The following ABTB2 variants were observed in gnomAD, a reference collection of about 807,000 sequenced individuals.
ABTB2 encodes the protein ankyrin repeat and BTB domain containing 2.
In ABTB2, 56 loss-of-function variants were observed where a neutral mutation model predicts 104.1. That is an observed-to-expected ratio of 0.54 (90% confidence interval 0.43 to 0.67). The LOEUF is 0.67. ABTB2 is among the 30% of genes least tolerant of loss of function. The pLI is 0.00. For missense variants in ABTB2, 1,279 were observed against 1,407.7 expected (o/e 0.91, Z 1.46); for synonymous variants, 606 against 608.2 (o/e 1.00, Z 0.05).
chr11:34,158,831 T>C (rs1852668470), intron 14 of ABTB2, among the ~76,000 whole-genome samples: 1 of 152,210 alleles, frequency 6.6e-6, no homozygotes, highest in South Asian at 2.1e-4. Context: ...GTTTGATGCT[T>C]GGGAGAAGTG....
In ABTB2 at chr11:34,354,332, C is replaced by T. The variant is rs571936546; in HGVS notation, c.883+2369G>A. Among the ~76,000 whole-genome samples, 6 of 152,000 alleles carry T rather than the reference C, an allele frequency of 3.9e-5. No individual in the cohort carries two copies. The South Asian group carries it at 6.2e-4, about 16-fold the overall frequency. On this transcript the variant is annotated intron_variant, in intron 1 of 16. Coordinates refer to ENST00000435224, the MANE Select transcript of ABTB2 (RefSeq NM_145804.3). ...CAAGGAGGAGGTTAAAACATGGGGT[C>T]GTGGCTGAGTGTGGTGGCTCACGCC...
intron 1 of ABTB2, among the ~76,000 whole-genome samples, chr11:34,258,503 T>G (rs1312905222): frequency 6.6e-6 from 1 of 152,142 alleles, no homozygotes; most frequent in East Asian, 1.9e-4. Flanking sequence ...TGGTGCCATC[T>G]ATCAAATGGA....
At chr11:34,220,114 A>T (rs117316541) in intron 1 of ABTB2, among the ~76,000 whole-genome samples, 1 of 152,256 alleles carries the variant, frequency 6.6e-6, no homozygotes, top group South Asian at 2.1e-4. Flanking sequence ...TTATTGTCCC[A>T]GTAGGACACT....
At chr11:34,233,218 CTTTT>C (rs34647581) in intron 1 of ABTB2, among the ~76,000 whole-genome samples, 141,642 of 151,948 alleles carry the variant, frequency 0.93, 66,375 homozygotes, top group Non-Finnish European at 0.98. Context: ...GAGGATTTTT[CTTTT>C]TATTTTTTTG....
intron 1 of ABTB2, among the ~76,000 whole-genome samples, chr11:34,226,204 T>TAAAAA (rs34915007): frequency 2.4e-4 from 19 of 79,610 alleles, no homozygotes; most frequent in African/African-American, 8.4e-4. Flanking sequence ...GAGAGTCCAT[T>TAAAAA]AAAAAAAAAA....
chr11:34,184,141 T>G (rs1446317354), intron 3 of ABTB2, among the ~76,000 whole-genome samples: 8 of 151,874 alleles, frequency 5.3e-5, no homozygotes, highest in African/African-American at 1.9e-4. Context: ...GGACTGTTCA[T>G]TAAGGGCTCC....
chr11:34,308,798 G>A (rs918668863), intron 1 of ABTB2, among the ~76,000 whole-genome samples: 10 of 142,424 alleles, frequency 7.0e-5, no homozygotes, highest in Non-Finnish European at 1.5e-4. Flanking sequence ...TTGAACCCAA[G>A]AGGTGGAAGT....
In ABTB2 at chr11:34,258,614, T is replaced by TTG. The variant is rs1565153048; in HGVS notation, c.884-53925_884-53924insCA. On this transcript the variant is annotated intron_variant, in intron 1 of 16. Transcript: ENST00000435224. ...TACAGAAGTGCCTGCTCTTTTTTTT[T>TTG]TTTTTTTTTTTTTTGAGACGGAGTC... Among the ~76,000 whole-genome samples the TTG allele has an allele frequency of 4.3e-4, 61 of 143,178 alleles. 1 individual carries two copies. The highest frequency in any genetic ancestry group is 1.6e-3 in the African/African-American group (58 of 36,262). The allele number at this position is 143,178 out of a possible 152,430, so 93.9% of individuals were successfully genotyped here.
intron 7 of ABTB2, among the ~76,000 whole-genome samples, chr11:34,165,764 C>T (rs946029247): frequency 6.6e-6 from 1 of 152,260 alleles, no homozygotes; most frequent in African/African-American, 2.4e-5. Flanking sequence ...GGTGTCAGTG[C>T]TGGCCACTGG....
At chr11:34,278,240 C>G (rs1854409125) in intron 1 of ABTB2, among the ~76,000 whole-genome samples, 1 of 151,752 alleles carries the variant, frequency 6.6e-6, no homozygotes, top group South Asian at 2.1e-4. Context: ...ATTAGATAAT[C>G]TAGAATTTCT....
At position 34,161,389 on chromosome 11, in the gene ABTB2, C is replaced by T. The variant is rs185814300; in HGVS notation, c.2219-308G>A. Among the ~76,000 whole-genome samples, 14 of 152,320 alleles carry T rather than the reference C, an allele frequency of 9.2e-5. No individual in the cohort carries two copies. The East Asian group carries it at 1.3e-3, about 15-fold the overall frequency. On this transcript the variant is annotated intron_variant, in intron 10 of 16. Transcript: ENST00000435224. ...GGGAACTCAAGCTCTGAAAGTTGAC[C>T]GCCCAGCCTGGGGATTTGGAAGTAT...
At position 34,275,924 on chromosome 11, in the gene ABTB2, G is replaced by A. The variant is rs74820781; in HGVS notation, c.884-71234C>T. The stretch of plus-strand genomic sequence containing the variant: ...GTCATGGCCCGAGAAGACAGCTGTC[G>A]TCCTGGAAGTCACACAACAGGGCCA... On this transcript the variant is annotated intron_variant, in intron 1 of 16. Transcript: ENST00000435224. Among the ~76,000 whole-genome samples, 303 of 152,262 alleles carry A rather than the reference G, an allele frequency of 2.0e-3. 1 individual carries two copies. Among genetic ancestry groups the A allele is most frequent in the African/African-American group, 6.2e-3 (256 of 41,554 alleles).
rs766495786 is a variant in ABTB2, at chr11:34,200,626, AT to A, written c.1031-3089del. On this transcript the variant is annotated intron_variant, in intron 2 of 16. Transcript: ENST00000435224. The stretch of plus-strand genomic sequence containing the variant: ...TGATTTTTGCTCCCTGCCACTTTGT[AT>A]TTTCTAGGCTTCATGACAGACATGA... Among the ~76,000 whole-genome samples the A allele has an allele frequency of 2.0e-5, 3 of 152,264 alleles. No homozygotes were observed. In the East Asian group the frequency reaches 5.8e-4, roughly 29 times the overall value.
At chr11:34,316,275 C>T (rs1564930979) in intron 1 of ABTB2, among the ~76,000 whole-genome samples, 1 of 152,210 alleles carries the variant, frequency 6.6e-6, no homozygotes, top group Non-Finnish European at 1.5e-5. Flanking sequence ...ACGGACACTG[C>T]AAAAGTCGCA....
chr11:34,317,406 G>GATT (rs1854946851), intron 1 of ABTB2, among the ~76,000 whole-genome samples: 1 of 152,124 alleles, frequency 6.6e-6, no homozygotes, highest in Non-Finnish European at 1.5e-5. Flanking sequence ...ATTGCGCTCT[G>GATT]CCCACAGACT....
At chr11:34,297,864 AGAGGT>A in intron 1 of ABTB2, among the ~76,000 whole-genome samples, 1 of 152,090 alleles carries the variant, frequency 6.6e-6, no homozygotes, top group Non-Finnish European at 1.5e-5. Context: ...GGGCCTTTTA[AGAGGT>A]GATTACGCCA....
At chr11:34,211,709 C>T (rs992674939) in intron 1 of ABTB2, among the ~76,000 whole-genome samples, 4 of 151,706 alleles carry the variant, frequency 2.6e-5, no homozygotes, top group Non-Finnish European at 5.9e-5. Flanking sequence ...GCCTGTCCAA[C>T]ATGGTGAAAA....
At chr11:34,244,094 A>G (rs1385324235) in intron 1 of ABTB2, among the ~76,000 whole-genome samples, 1 of 152,218 alleles carries the variant, frequency 6.6e-6, no homozygotes. Context: ...GATAGAAAAG[A>G]GACTTGGTTC....
intron 1 of ABTB2, among the ~76,000 whole-genome samples, chr11:34,240,145 C>G (rs556970151): frequency 6.6e-6 from 1 of 152,320 alleles, no homozygotes; most frequent in East Asian, 1.9e-4. Flanking sequence ...TTTCTGAGAA[C>G]AGATGAGAAG....
Sources: allele counts gnomAD v4.1 joint callset (sites outside exome capture counted in the v4.1 genomes callset), GRCh38; gene constraint gnomAD v4.1.1; transcripts MANE v1.5; gene names NCBI Gene and HGNC (gene_info 2026-07-23, HGNC 2026-07-21).